The following SSH2 variants were observed in gnomAD, a reference collection of about 807,000 sequenced individuals.
SSH2 encodes slingshot protein phosphatase 2, also known as protein phosphatase Slingshot homolog 2.
SSH2 carries 37 observed loss-of-function variants against 135.2 expected under a neutral mutation model. That is an observed-to-expected ratio of 0.27 (90% CI 0.21 to 0.36). The LOEUF is 0.36. Among genes scored for constraint, SSH2 ranks in the 10% least tolerant of loss-of-function variants. The pLI is 1.00. For missense variants in SSH2, 1,408 were observed against 1,765.3 expected (o/e 0.80, Z 3.63); for synonymous variants, 628 against 646.2 (o/e 0.97, Z 0.43).
intron 14 of SSH2, among the ~76,000 whole-genome samples, chr17:29,640,090 T>G (rs529614835): frequency 2.0e-5 from 3 of 151,996 alleles, no homozygotes; most frequent in Admixed American, 6.5e-5. Context: ...TTTTGTTTTT[T>G]TTTTTTGAGA....
chr17:29,806,190 G>A (rs1364510331), intron 2 of SSH2, among the ~76,000 whole-genome samples: 2 of 152,158 alleles, frequency 1.3e-5, no homozygotes, highest in Non-Finnish European at 2.9e-5. Context: ...TTGTTTGCCA[G>A]AACCAGAAAA....
chr17:29,846,034 TG>T (rs1485769591), intron 2 of SSH2, among the ~76,000 whole-genome samples: 7 of 139,054 alleles, frequency 5.0e-5, no homozygotes, highest in African/African-American at 1.7e-4. Flanking sequence ...CACTGCAAAC[TG>T]AACAATTTTT....
At chr17:29,692,843 T>C (rs967566440) in intron 5 of SSH2, among the ~76,000 whole-genome samples, 10 of 152,182 alleles carry the variant, frequency 6.6e-5, no homozygotes, top group African/African-American at 2.4e-4. Flanking sequence ...AAAATACAAA[T>C]TATCTCTGCT....
At chr17:29,761,226 AG>A (rs111727573) in intron 3 of SSH2, 41,925 of 1,289,650 alleles carry the variant, frequency 0.033, 1,302 homozygotes, top group African/African-American at 0.16. Flanking sequence ...CCGAGGCTGC[AG>A]GTGCAAGCGA....
intron 1 of SSH2, among the ~76,000 whole-genome samples, chr17:29,915,047 G>C (rs2066857454): frequency 6.6e-6 from 1 of 152,168 alleles, no homozygotes; most frequent in Non-Finnish European, 1.5e-5. Context: ...TCAGAGTTGT[G>C]AAAGTTTCAG....
intron 3 of SSH2, chr17:29,761,438 G>A (rs2041301199): frequency 1.0e-6 from 1 of 1,003,656 alleles, no homozygotes; most frequent in Non-Finnish European, 1.2e-6. Flanking sequence ...GGACTGACGG[G>A]CGTCGCCAGC....
intron 3 of SSH2, among the ~76,000 whole-genome samples, chr17:29,747,088 C>A (rs2040787129): frequency 6.6e-6 from 1 of 152,208 alleles, no homozygotes; most frequent in African/African-American, 2.4e-5. Flanking sequence ...AAAGTAACAA[C>A]CATAACTGGA....
chr17:29,627,273 A>C lies in SSH2; in HGVS notation c.*3568T>G, dbSNP rs2035527446. On this transcript the variant is annotated 3_prime_UTR_variant, in exon 16 of 16. Transcript: ENST00000540801. The stretch of plus-strand genomic sequence containing the variant: ...TGCCCTTAAAAGTGACTTTTTGCAT[A>C]ATGCTTTCTTAAAAAAAGAACTCTC... The C allele has an allele frequency of 6.6e-6, 1 of 152,644 alleles. No individual in the cohort carries two copies. The highest frequency in any genetic ancestry group is 1.5e-5 in the Non-Finnish European group (1 of 68,032). The allele number at this position is 152,644 out of a possible 1,614,324, so 9.5% of individuals were successfully genotyped here.
At chr17:29,896,836 G>A (rs556076848) in intron 1 of SSH2, among the ~76,000 whole-genome samples, 105 of 151,768 alleles carry the variant, frequency 6.9e-4, no homozygotes, top group Non-Finnish European at 1.3e-3. Context: ...TTTTAGTAAT[G>A]AGTAAGTCTG....
chr17:29,753,592 C>T (rs1191855902), intron 3 of SSH2, among the ~76,000 whole-genome samples: 4 of 151,012 alleles, frequency 2.6e-5, no homozygotes, highest in Admixed American at 1.3e-4. Flanking sequence ...GTCAGGGGTT[C>T]GAGACCAGCC....
intron 3 of SSH2, among the ~76,000 whole-genome samples, chr17:29,751,819 T>C (rs1242207969): frequency 1.3e-5 from 2 of 152,076 alleles, no homozygotes; most frequent in African/African-American, 4.8e-5. Flanking sequence ...AGTAAAAACA[T>C]ATACTAGATA....
intron 1 of SSH2, among the ~76,000 whole-genome samples, chr17:29,887,848 GA>G (rs2066269409): frequency 1.3e-5 from 2 of 152,190 alleles, no homozygotes; most frequent in African/African-American, 4.8e-5. Flanking sequence ...AATTTAATGT[GA>G]AGAAAACATT....
At chr17:29,779,709 T>C (rs934478236) in intron 3 of SSH2, among the ~76,000 whole-genome samples, 4 of 143,800 alleles carry the variant, frequency 2.8e-5, no homozygotes, top group African/African-American at 7.8e-5. Context: ...TCCCAGCTAC[T>C]TGGGGGGCTG....
intron 11 of SSH2, among the ~76,000 whole-genome samples, chr17:29,655,816 C>A (rs1234141867): frequency 6.6e-6 from 1 of 152,114 alleles, no homozygotes; most frequent in Non-Finnish European, 1.5e-5. Context: ...TTTACAGATA[C>A]AAAAACCAAC....
Position 29,636,778 on chromosome 17 carries a change from C to G in SSH2, c.1452G>C (p.Trp484Cys). ...LASKQRHNKL[W>C]RSHSDSDLSD... ...AGAGGTCACTATCTGAATGAGATCT[C>G]CATAGTTTGTTATGCCGCTGTTTGC... is the stretch of plus-strand genomic sequence containing the variant. Residue 484 changes from tryptophan to cysteine, a missense_variant, in exon 15 of 16, where the codon TGG becomes TGC. Physicochemically the swap from Trp to Cys is radical, Grantham distance 215. Around this residue, in one of 3 missense-constraint regions of SSH2, gnomAD observed 106 missense variants for 265.2 expected, o/e 0.40. Coordinates refer to ENST00000540801, the MANE Select transcript of SSH2 (RefSeq NM_001282129.2). 6.2e-7 allele frequency: 1 copy of G among 1,610,098 alleles called. No homozygotes were observed. The highest frequency in any genetic ancestry group is 8.5e-7 in the Non-Finnish European group (1 of 1,177,318).
At chr17:29,709,480 C>T (rs1296796138) in intron 3 of SSH2, among the ~76,000 whole-genome samples, 1 of 152,134 alleles carries the variant, frequency 6.6e-6, no homozygotes, top group Non-Finnish European at 1.5e-5. Context: ...AGTTCAAAAC[C>T]AGCCTGGCCA....
chr17:29,827,439 C>A (rs544667539), intron 2 of SSH2, among the ~76,000 whole-genome samples: 3 of 152,162 alleles, frequency 2.0e-5, no homozygotes, highest in Non-Finnish European at 4.4e-5. Flanking sequence ...AGATTACTAA[C>A]TTCAGAAGGA....
At chr17:29,634,902 A>G (rs987631421) in intron 15 of SSH2, among the ~76,000 whole-genome samples, 2 of 151,190 alleles carry the variant, frequency 1.3e-5, no homozygotes, top group East Asian at 2.0e-4. Context: ...AGTCAGGTAC[A>G]TTATTATTAT....
intron 1 of SSH2, among the ~76,000 whole-genome samples, chr17:29,886,746 C>CAAA (rs1194032622): frequency 1.8e-5 from 1 of 56,998 alleles, no homozygotes; most frequent in Non-Finnish European, 3.7e-5. Flanking sequence ...GACTCCATCT[C>CAAA]AAAAAAAAAA....
Sources: gnomAD v4.1 joint callset for allele counts (sites outside exome capture counted in the v4.1 genomes callset) on GRCh38, gnomAD v4.1.1 for gene constraint, gnomAD v4.1.1 regional missense constraint, MANE v1.5 for transcripts, NCBI Gene and HGNC (gene_info 2026-07-23, HGNC 2026-07-21) for gene names.